The following EVX1 variants were observed in gnomAD, a reference collection of about 807,000 sequenced individuals.
EVX1 encodes homeobox even-skipped homolog protein 1.
Under a neutral mutation model 28.6 loss-of-function variants are expected in EVX1, and 19 were observed. The observed-to-expected ratio is 0.67, with a 90% CI of 0.46 to 0.98. The LOEUF is 0.98. Among genes scored for constraint, EVX1 ranks in the 50% least tolerant of loss-of-function variants. The pLI, the probability that EVX1 is intolerant of heterozygous loss-of-function variation, is 0.00. For synonymous variants in EVX1, 324 were observed against 278.2 expected, an observed-to-expected ratio of 1.16 and a Z score of -1.64; for missense variants, 660 against 583.0, an observed-to-expected ratio of 1.13 and a Z score of -1.36.
In EVX1 at chr7:27,247,255, T is replaced by C. The variant is rs897122616; in HGVS notation, c.*830T>C. 2 of 152,152 alleles carry C rather than the reference T, an allele frequency of 1.3e-5. No individual in the cohort carries two copies. Among genetic ancestry groups the C allele is most frequent in the African/African-American group, 2.4e-5 (1 of 41,410 alleles). The allele number at this position is 152,152 out of a possible 1,614,324, so 9.4% of individuals were successfully genotyped here. On this transcript the variant is annotated 3_prime_UTR_variant, in exon 3 of 3. Coordinates refer to ENST00000496902, the MANE Select transcript of EVX1 (RefSeq NM_001989.5). Reference sequence around the variant, plus strand: ...AGCACACACCCTGATTAGCAAGTGATGTGTGCGAGGAGGGTTTGTGAATGT... The same window carrying C: ...AGCACACACCCTGATTAGCAAGTGACGTGTGCGAGGAGGGTTTGTGAATGT...
Position 27,246,038 on chromosome 7 carries a change from G to A in EVX1, c.837G>A (p.Leu279=). The change falls in exon 3 of 3, where the codon CTG becomes CTA. Residue 279 remains leucine (L), a synonymous_variant. Coordinates refer to ENST00000496902, the MANE Select transcript of EVX1 (RefSeq NM_001989.5). The part of the protein sequence containing the change: ...LPYPFPSHLP[L]PYYSPVGLGA... ...ACCCCTTCCCATCGCACCTGCCCCT[G>A]CCCTACTACTCGCCGGTGGGCCTGG... is the stretch of plus-strand genomic sequence containing the variant. 1 of 1,593,902 alleles carries A rather than the reference G, an allele frequency of 6.3e-7. No homozygotes were observed. Among genetic ancestry groups the A allele is most frequent in the Non-Finnish European group, 8.5e-7 (1 of 1,177,526 alleles).
In EVX1 at chr7:27,243,320, C is replaced by G; in HGVS notation, c.290C>G (p.Pro97Arg). ...GCGGCCATGCTCGGCCCAGGACCCC[C>G]GGCCCCCTCAGTCGACAGCCTCTCC... ...AGAAMLGPGP[P>R]APSVDSLSGQ... Residue 97 changes from proline (P) to arginine (R), a missense_variant, in exon 1 of 3, where the codon CCG (proline) becomes CGG (arginine). Around this residue, in one of 3 missense-constraint regions of EVX1, gnomAD observed 308 missense variants for 256.6 expected, o/e 1.20. Coordinates refer to ENST00000496902, the MANE Select transcript of EVX1 (RefSeq NM_001989.5). The G allele has an allele frequency of 6.3e-7, 1 of 1,583,896 alleles. No homozygotes were observed. The highest frequency in any genetic ancestry group is 8.6e-7 in the Non-Finnish European group (1 of 1,166,710).
At chr7:27,245,576 C>T (rs1397207256) in intron 2 of EVX1, among the ~76,000 whole-genome samples, 3 of 152,192 alleles carry the variant, frequency 2.0e-5, no homozygotes, top group African/African-American at 7.2e-5. Context: ...GGGACACGCT[C>T]TCTGCGGCCG....
At chr7:27,245,333 G>T (rs768074817) in intron 2 of EVX1, 29 bp downstream of exon 2, 1 of 1,609,462 alleles carries the variant, frequency 6.2e-7, no homozygotes, top group African/African-American at 1.3e-5. Flanking sequence ...GGGGAGGCGG[G>T]TGTGCACCTA....
chr7:27,245,554 A>G (rs974779008), intron 2 of EVX1, among the ~76,000 whole-genome samples: 3 of 152,160 alleles, frequency 2.0e-5, no homozygotes, highest in Admixed American at 6.5e-5. Flanking sequence ...GCGGGTGACA[A>G]GGAAGTTTCT....
Position 27,246,689 on chromosome 7 carries a change from A to C in EVX1, c.*264A>C. The C allele has an allele frequency of 2.0e-6, 1 of 496,050 alleles. No homozygotes were observed. The allele number at this position is 496,050 out of a possible 1,614,324, so 30.7% of individuals were successfully genotyped here. On this transcript the variant is annotated 3_prime_UTR_variant, in exon 3 of 3. Coordinates refer to ENST00000496902, the MANE Select transcript of EVX1 (RefSeq NM_001989.5). ...TTCCTCCGGGGCAGCCTCCGGACCC[A>C]CCGCCCCCCACCAGGGTCGAGGCTG... is the stretch of plus-strand genomic sequence containing the variant.
At chr7:27,243,674 G>C in intron 1 of EVX1, 1 of 512,660 alleles carries the variant, frequency 2.0e-6, no homozygotes, top group South Asian at 3.6e-5. Flanking sequence ...AGTGCGGGGT[G>C]CTGAGGGGGC....
chr7:27,243,064 G>A lies in EVX1; in HGVS notation c.34G>A (p.Asp12Asn), dbSNP rs776425000. The change falls in exon 1 of 3, where the codon GAT becomes AAT. Residue 12 changes from aspartate (D) to asparagine (N), a missense_variant. Around this residue, in one of 3 missense-constraint regions of EVX1, gnomAD observed 308 missense variants for 256.6 expected, o/e 1.20. Transcript: ENST00000496902. ...CCGAAAGGACATGGTTGTGTTTCTG[G>A]ATGGGGGTCAGCTTGGCACTCTGGT... ...ESRKDMVVFL[D>N]GGQLGTLVGK... 5.0e-6 allele frequency: 8 copies of A among 1,609,838 alleles called. No individual in the cohort carries two copies. Among genetic ancestry groups the A allele is most frequent in the Non-Finnish European group, 6.8e-6 (8 of 1,178,120 alleles).
At chr7:27,244,589 C>A in intron 1 of EVX1, 2 of 696,106 alleles carry the variant, frequency 2.9e-6, no homozygotes, top group Non-Finnish European at 3.6e-6. Flanking sequence ...TACACATTCC[C>A]ACACCTGTTC....
chr7:27,246,228 G>A lies in EVX1; in HGVS notation c.1027G>A (p.Ala343Thr), dbSNP rs879329707. 2.6e-6 allele frequency: 4 copies of A among 1,517,976 alleles called. No homozygotes were observed. The highest frequency in any genetic ancestry group is 2.6e-5 in the East Asian group (1 of 38,190). 94.0% of individuals were successfully genotyped at this position (1,517,976 alleles called of 1,614,324 possible). The part of the protein sequence containing the change: ...PGPAHGLGAS[A>T]GGPCSCLACH... ...GCCCGCGCACGGACTGGGCGCCTCT[G>A]CCGGCGGCCCCTGCTCCTGCCTCGC... The change falls in exon 3 of 3, where the codon GCC becomes ACC. Residue 343 changes from alanine (A) to threonine (T), a missense_variant. Physicochemically the swap from Ala to Thr is moderately conservative, Grantham distance 58. Around this residue, in one of 3 missense-constraint regions of EVX1, gnomAD observed 299 missense variants for 241.3 expected, o/e 1.24. Transcript: ENST00000496902.
chr7:27,243,030 G>T lies in EVX1; in HGVS notation c.-1G>T. On this transcript the variant is annotated 5_prime_UTR_variant, in exon 1 of 3. Transcript: ENST00000496902. Reference sequence around the variant, plus strand: ...CCCCTCCCCCACCGGAGAGCCCCGGGATGGAGAGCCGAAAGGACATGGTTG... The same window carrying T: ...CCCCTCCCCCACCGGAGAGCCCCGGTATGGAGAGCCGAAAGGACATGGTTG... The T allele has an allele frequency of 6.3e-7, 1 of 1,581,978 alleles. No individual in the cohort carries two copies. The highest frequency in any genetic ancestry group is 8.6e-7 in the Non-Finnish European group (1 of 1,163,688).
At position 27,246,296 on chromosome 7, in the gene EVX1, C is replaced by A. The variant is rs753517187; in HGVS notation, c.1095C>A (p.Ala365=). 1.3e-6 allele frequency: 2 copies of A among 1,585,020 alleles called. No homozygotes were observed. The highest frequency in any genetic ancestry group is 1.7e-6 in the Non-Finnish European group (2 of 1,172,688). Residue 365 remains alanine, a synonymous_variant, in exon 3 of 3, where the codon GCC becomes GCA. Transcript: ENST00000496902. ...CCAACGGGCTGGCGCCCCGGGCTGC[C>A]GCCGCCTCGGACTTCACCTGTGCCT... ...GPANGLAPRA[A]AASDFTCAST...
In EVX1 at chr7:27,243,249, C is replaced by T. The variant is rs955833398; in HGVS notation, c.219C>T (p.Leu73=). Residue 73 remains leucine, a synonymous_variant, in exon 1 of 3, where the codon CTC becomes CTT. Transcript: ENST00000496902. The part of the protein sequence containing the change: ...GGPEEEPVDG[L]AGSAAGPGAE... ...CGGAGGAGGAGCCGGTAGATGGACTCGCAGGCAGCGCGGCGGGGCCGGGCG... is the reference window on the plus strand; with the variant it reads ...CGGAGGAGGAGCCGGTAGATGGACTTGCAGGCAGCGCGGCGGGGCCGGGCG... 3.9e-6 allele frequency: 6 copies of T among 1,546,324 alleles called. No individual in the cohort carries two copies. In the African/African-American group the frequency reaches 4.1e-5, roughly 11 times the overall value.
At position 27,247,326 on chromosome 7, in the gene EVX1, A is replaced by T. The variant is rs1421324239; in HGVS notation, c.*901A>T. 1 of 152,168 alleles carries T rather than the reference A, an allele frequency of 6.6e-6. No individual in the cohort carries two copies. Among genetic ancestry groups the T allele is most frequent in the Non-Finnish European group, 1.5e-5 (1 of 68,066 alleles). The allele number at this position is 152,168 out of a possible 1,614,324, so 9.4% of individuals were successfully genotyped here. A position where few individuals can be genotyped will look rare whatever the true frequency, so the allele number is the denominator to read the frequency against. On this transcript the variant is annotated 3_prime_UTR_variant, in exon 3 of 3. Coordinates refer to ENST00000496902, the MANE Select transcript of EVX1 (RefSeq NM_001989.5). ...CCATGGAGCTGGCCACTGACCCCAG[A>T]GCTGAGCTGTTAACAAGGCGCCCAG... is the stretch of plus-strand genomic sequence containing the variant.
chr7:27,244,131 A>AAGGG (rs1269958477), intron 1 of EVX1, among the ~76,000 whole-genome samples: 1 of 152,172 alleles, frequency 6.6e-6, no homozygotes, highest in Non-Finnish European at 1.5e-5. Flanking sequence ...AGGGGGCTGG[A>AAGGG]GCCCCACCCT....
Position 27,243,243 on chromosome 7 carries a change from T to G in EVX1, c.213T>G (p.Asp71Glu), listed in dbSNP as rs1411835627. Residue 71 changes from aspartate (D) to glutamate (E), a missense_variant, in exon 1 of 3, where the codon GAT becomes GAG. Asp to Glu is a conservative substitution (Grantham distance 45, BLOSUM62 2). Around this residue, in one of 3 missense-constraint regions of EVX1, gnomAD observed 308 missense variants for 256.6 expected, o/e 1.20. Coordinates refer to ENST00000496902, the MANE Select transcript of EVX1 (RefSeq NM_001989.5). ...GGGGPEEEPV[D>E]GLAGSAAGPG... is the part of the protein sequence containing the mutation. ...GAGGCCCGGAGGAGGAGCCGGTAGA[T>G]GGACTCGCAGGCAGCGCGGCGGGGC... The G allele has an allele frequency of 6.5e-7, 1 of 1,548,004 alleles. No homozygotes were observed. Among genetic ancestry groups the G allele is most frequent in the Non-Finnish European group, 8.7e-7 (1 of 1,146,496 alleles).
At position 27,245,230 on chromosome 7, in the gene EVX1, C is replaced by G. The variant is rs766687339; in HGVS notation, c.610C>G (p.Arg204Gly). The G allele has an allele frequency of 3.7e-6, 6 of 1,613,626 alleles. No individual in the cohort carries two copies. The South Asian group carries it at 4.4e-5, about 12-fold the overall frequency. The change falls in exon 2 of 3, where the codon CGG becomes GGG. Residue 204 changes from arginine (R) to glycine (G), a missense_variant. Arg to Gly is a moderately radical substitution (Grantham distance 125). Coordinates refer to ENST00000496902, the MANE Select transcript of EVX1 (RefSeq NM_001989.5). The part of the protein sequence containing the change: ...QIARLEKEFY[R>G]ENYVSRPRRC... ...TGCGCGGCTGGAGAAGGAATTCTAC[C>G]GGGAGAACTACGTATCCAGGCCGCG... is the stretch of plus-strand genomic sequence containing the variant.
At position 27,243,101 on chromosome 7, in the gene EVX1, T is replaced by A; in HGVS notation, c.71T>A (p.Val24Asp). 2 of 1,611,658 alleles carry A rather than the reference T, an allele frequency of 1.2e-6. No individual in the cohort carries two copies. The highest frequency in any genetic ancestry group is 1.1e-5 in the South Asian group (1 of 90,550). The part of the protein sequence containing the change: ...GQLGTLVGKR[V>D]SNLSEAVGSP... ...CTTGGCACTCTGGTTGGCAAGAGAG[T>A]CTCAAATTTGTCCGAAGCCGTGGGC... The change falls in exon 1 of 3, where the codon GTC becomes GAC. Residue 24 changes from valine to aspartate, a missense_variant. Coordinates refer to ENST00000496902, the MANE Select transcript of EVX1 (RefSeq NM_001989.5).
chr7:27,243,234 G>T lies in EVX1; in HGVS notation c.204G>T (p.Glu68Asp), dbSNP rs769629286. The T allele has an allele frequency of 6.5e-7, 1 of 1,548,672 alleles. No homozygotes were observed. Among genetic ancestry groups the T allele is most frequent in the African/African-American group, 1.4e-5 (1 of 72,992 alleles). The change falls in exon 1 of 3, where the codon GAG becomes GAT. Residue 68 changes from glutamate to aspartate, a missense_variant. By Grantham distance (45) the Glu-to-Asp change is conservative. Around this residue, in one of 3 missense-constraint regions of EVX1, gnomAD observed 308 missense variants for 256.6 expected, o/e 1.20. Transcript: ENST00000496902. Reference sequence around the variant, plus strand: ...GCGGCGGGGGAGGCCCGGAGGAGGAGCCGGTAGATGGACTCGCAGGCAGCG... The same window carrying T: ...GCGGCGGGGGAGGCCCGGAGGAGGATCCGGTAGATGGACTCGCAGGCAGCG... ...RERGGGGPEE[E>D]PVDGLAGSAA... is the part of the protein sequence containing the mutation.
Sources: gnomAD v4.1 joint callset for allele counts (sites outside exome capture counted in the v4.1 genomes callset) on GRCh38, gnomAD v4.1.1 for gene constraint, gnomAD v4.1.1 regional missense constraint, MANE v1.5 for transcripts, NCBI Gene and HGNC (gene_info 2026-07-23, HGNC 2026-07-21) for gene names.